The following GSAP variants were observed in gnomAD, a reference collection of about 807,000 sequenced individuals.
The protein encoded by GSAP is gamma-secretase-activating protein.
GSAP carries 118 observed loss-of-function variants against 131.7 expected under a neutral mutation model. That is an observed-to-expected ratio of 0.90 (90% CI 0.77 to 1.04). GSAP has a LOEUF of 1.04. Ranked by LOEUF, GSAP falls within the 50% of genes least tolerant of loss-of-function variation. The pLI is 0.00. For synonymous variants in GSAP, 381 were observed against 363.4 expected (o/e 1.05, Z -0.55); for missense variants, 1,019 against 1,013.2 (o/e 1.01, Z -0.08).
At chr7:77,324,852 T>G in intron 23 of GSAP, among the ~76,000 whole-genome samples, 1 of 143,070 alleles carries the variant, frequency 7.0e-6, no homozygotes, top group Admixed American at 7.0e-5. Flanking sequence ...TTTTTTGCTC[T>G]GTCACTCAGG....
intron 3 of GSAP, among the ~76,000 whole-genome samples, chr7:77,402,684 T>TAAAA (rs60282862): frequency 2.7e-5 from 3 of 111,846 alleles, no homozygotes; most frequent in Non-Finnish European, 3.9e-5. Context: ...AAAAGGTCCG[T>TAAAA]AAAAAAAAAA....
intron 28 of GSAP, 61 bp downstream of exon 28, chr7:77,313,427 A>G (rs1794630125): frequency 1.2e-6 from 1 of 836,668 alleles, no homozygotes; most frequent in Admixed American, 2.3e-5. Context: ...TTTTGCAAGA[A>G]GAAATTGAAG....
rs761551433 is a variant in GSAP, at chr7:77,312,093, AAACTC to A, written c.2373+3_2373+7del. 6.4e-7 allele frequency: 1 copy of A among 1,561,724 alleles called. No individual in the cohort carries two copies. The highest frequency in any genetic ancestry group is 1.4e-5 in the African/African-American group (1 of 73,254). On this transcript the variant is annotated splice_donor_5th_base_variant and intron_variant, in intron 29 of 30. Transcript: ENST00000257626. ...CATTTAGTTGGCTGTGCTTTCAGAG[AAACTC>A]ACCTGTTTCTTATAGTTCTGAAGCA...
intron 5 of GSAP, among the ~76,000 whole-genome samples, chr7:77,391,125 C>CAAAAAAAAAAAAA (rs3083869): frequency 5.4e-4 from 35 of 65,030 alleles, no homozygotes; most frequent in Admixed American, 8.9e-4. Flanking sequence ...GGCTCCGTCT[C>CAAAAAAAAAAAAA]AAAAAAAAAA....
At chr7:77,362,796 G>C in intron 12 of GSAP, 136 bp from the exon 13 acceptor site, 1 of 608,054 alleles carries the variant, frequency 1.6e-6, no homozygotes, top group Non-Finnish European at 3.0e-6. Flanking sequence ...CCAAGTCCTA[G>C]AAGTGGTCTA....
chr7:77,311,373 C>T lies in GSAP; in HGVS notation c.2550G>A (p.Met850Ile), dbSNP rs1395049162. 1.9e-6 allele frequency: 3 copies of T among 1,604,994 alleles called. No individual in the cohort carries two copies. Among genetic ancestry groups the T allele is most frequent in the African/African-American group, 2.7e-5 (2 of 74,712 alleles). The stretch of plus-strand genomic sequence containing the variant: ...GTTTTCTTTTTCATAAGCCTAAAAG[C>T]ATCGCGGTGTGTTTCAGAGCTGCTT... ...VEEAALKHTA[M>I]LLGL The change falls in exon 31 of 31, where the codon ATG becomes ATA. Residue 850 changes from methionine to isoleucine, a missense_variant. Coordinates refer to ENST00000257626, the MANE Select transcript of GSAP (RefSeq NM_017439.4).
intron 6 of GSAP, 36 bp from the exon 7 acceptor site, chr7:77,382,679 T>TTACA: frequency 8.8e-7 from 1 of 1,137,622 alleles, no homozygotes; most frequent in Non-Finnish European, 1.3e-6. Flanking sequence ...TGTAAGCAAC[T>TTACA]ATCTTGCTTG....
intron 19 of GSAP, among the ~76,000 whole-genome samples, chr7:77,337,235 C>T (rs1449992738): frequency 6.6e-6 from 1 of 150,872 alleles, no homozygotes; most frequent in African/African-American, 2.4e-5. Context: ...TCACTACAAC[C>T]TCCACCTCCC....
At chr7:77,346,701 C>A (rs570491691) in intron 19 of GSAP, among the ~76,000 whole-genome samples, 7 of 149,764 alleles carry the variant, frequency 4.7e-5, no homozygotes, top group Admixed American at 1.3e-4. Flanking sequence ...CAGAGTGAGA[C>A]CCTACCTCAA....
chr7:77,389,594 C>T lies in GSAP; in HGVS notation c.368-2146G>A, dbSNP rs971385668. Among the ~76,000 whole-genome samples the T allele has an allele frequency of 1.5e-3, 228 of 152,230 alleles. 1 individual carries two copies. The highest frequency in any genetic ancestry group is 0.01 in the Middle Eastern group (3 of 294). On this transcript the variant is annotated intron_variant, in intron 5 of 30. Transcript: ENST00000257626. ...TGATGGTTTCCAGCTTCATCCATGT[C>T]CCTACAAAGGACATGAACTCATCAT...
chr7:77,319,880 G>A (rs986775564), intron 26 of GSAP, among the ~76,000 whole-genome samples: 9 of 152,208 alleles, frequency 5.9e-5, no homozygotes, highest in African/African-American at 1.7e-4. Flanking sequence ...GAACCGGGGA[G>A]TAGGGGATAA....
At chr7:77,368,328 C>G (rs1795611793) in intron 12 of GSAP, among the ~76,000 whole-genome samples, 1 of 152,136 alleles carries the variant, frequency 6.6e-6, no homozygotes, top group Non-Finnish European at 1.5e-5. Context: ...ACTTACGCTT[C>G]CCTGTGAGAG....
chr7:77,362,755 G>T, intron 12 of GSAP, 95 bp from the exon 13 acceptor site: 1 of 710,476 alleles, frequency 1.4e-6, no homozygotes, highest in Non-Finnish European at 2.5e-6. Context: ...TCCTTTAGAT[G>T]TCCTGTCTCA....
At chr7:77,401,485 C>A (rs1801303061) in intron 3 of GSAP, among the ~76,000 whole-genome samples, 1 of 151,972 alleles carries the variant, frequency 6.6e-6, no homozygotes, top group Non-Finnish European at 1.5e-5. Context: ...ATCCTGAATT[C>A]TACACTTGGC....
rs990176552 is a variant in GSAP, at chr7:77,319,433, T to C, written c.2089+1292A>G. On this transcript the variant is annotated intron_variant, in intron 26 of 30. Coordinates refer to ENST00000257626, the MANE Select transcript of GSAP (RefSeq NM_017439.4). ...GAATGTGGAGAAATTGGAATCCTTA[T>C]ACACTGTTGGTGGGAATGTAAAGTG... is the stretch of plus-strand genomic sequence containing the variant. Among the ~76,000 whole-genome samples, 9 of 152,346 alleles carry C rather than the reference T, an allele frequency of 5.9e-5. 1 individual carries two copies. Among genetic ancestry groups the C allele is most frequent in the African/African-American group, 2.2e-4 (9 of 41,582 alleles).
At chr7:77,381,624 C>T (rs1797822921) in intron 7 of GSAP, among the ~76,000 whole-genome samples, 1 of 152,116 alleles carries the variant, frequency 6.6e-6, no homozygotes, top group Admixed American at 6.5e-5. Context: ...TTTAGCCCTC[C>T]TGCTTCCCTG....
chr7:77,380,811 A>G (rs1477193271), intron 8 of GSAP, among the ~76,000 whole-genome samples: 4 of 152,208 alleles, frequency 2.6e-5, no homozygotes, highest in African/African-American at 9.6e-5. Flanking sequence ...GTATAAATAT[A>G]TGGTATGATC....
chr7:77,311,388 C>CAG lies in GSAP; in HGVS notation c.2533_2534dup (p.Lys846Ter), dbSNP rs748351607. 6.2e-7 allele frequency: 1 copy of CAG among 1,611,992 alleles called. No homozygotes were observed. Among genetic ancestry groups the CAG allele is most frequent in the Non-Finnish European group, 8.5e-7 (1 of 1,178,172 alleles). On this transcript the variant is annotated frameshift_variant, in exon 31 of 31. Coordinates refer to ENST00000257626, the MANE Select transcript of GSAP (RefSeq NM_017439.4). LOFTEE classifies it high-confidence loss of function. ...AGCCTAAAAGCATCGCGGTGTGTTT[C>CAG]AGAGCTGCTTCCTCTACAAATTCTG...
At chr7:77,408,337 G>C (rs1034213185) in intron 1 of GSAP, among the ~76,000 whole-genome samples, 4 of 152,242 alleles carry the variant, frequency 2.6e-5, no homozygotes, top group Non-Finnish European at 5.9e-5. Context: ...TTTAAACACT[G>C]GTAGATTCAC....
Sources: allele counts gnomAD v4.1 joint callset (sites outside exome capture counted in the v4.1 genomes callset), GRCh38; gene constraint gnomAD v4.1.1; transcripts MANE v1.5; gene names NCBI Gene and HGNC (gene_info 2026-07-23, HGNC 2026-07-21).